The following FRY variants were observed in gnomAD, a reference collection of about 807,000 sequenced individuals.
FRY encodes protein furry homolog.
FRY carries 128 observed loss-of-function variants against 348.4 expected under a neutral mutation model. The ratio of observed to expected loss-of-function variants is 0.37; its 90% CI spans 0.32 to 0.43. The LOEUF (loss-of-function observed/expected upper bound fraction) is 0.43. Ranked by LOEUF, FRY falls within the 20% of genes least tolerant of loss-of-function variation. The pLI is 1.00. For missense variants in FRY, 2,736 were observed against 3,695.2 expected (o/e 0.74, Z 6.73); for synonymous variants, 1,370 against 1,374.7 (o/e 1.00, Z 0.08).
intron 1 of FRY, among the ~76,000 whole-genome samples, chr13:32,070,418 A>G (rs1460944763): frequency 2.0e-5 from 3 of 152,318 alleles, no homozygotes; most frequent in Non-Finnish European, 2.9e-5. Flanking sequence ...TCTAACTGGC[A>G]TGAGATGGTA....
intron 2 of FRY, among the ~76,000 whole-genome samples, chr13:32,101,000 G>A: frequency 6.6e-6 from 1 of 152,110 alleles, no homozygotes; most frequent in East Asian, 1.9e-4. Context: ...ATACATTGAG[G>A]CCATAGCACA....
At chr13:32,201,886 A>T in intron 29 of FRY, 55 bp from the exon 30 acceptor site, 1 of 951,542 alleles carries the variant, frequency 1.1e-6, no homozygotes, top group Non-Finnish European at 1.7e-6. Context: ...GTAACAATCT[A>T]GCCACTCTGT....
chr13:32,059,113 T>C (rs1193220295), intron 1 of FRY, among the ~76,000 whole-genome samples: 2 of 152,224 alleles, frequency 1.3e-5, no homozygotes, highest in African/African-American at 4.8e-5. Flanking sequence ...AGCTTCCTTT[T>C]CTACCTTTTT....
At chr13:32,254,686 A>T (rs1294320271) in intron 51 of FRY, among the ~76,000 whole-genome samples, 1 of 152,108 alleles carries the variant, frequency 6.6e-6, no homozygotes, top group East Asian at 1.9e-4. Context: ...CCCAAGCTGG[A>T]CTTAAAAAAA....
chr13:32,059,841 G>T (rs772910832), intron 1 of FRY, among the ~76,000 whole-genome samples: 11 of 152,122 alleles, frequency 7.2e-5, no homozygotes, highest in African/African-American at 9.7e-5. Context: ...ACTTCCTTTA[G>T]TAAAATGTAA....
At chr13:32,155,442 T>C (rs1336535902) in intron 14 of FRY, 49 bp from the exon 15 acceptor site, 1 of 1,346,922 alleles carries the variant, frequency 7.4e-7, no homozygotes, top group African/African-American at 1.4e-5. Flanking sequence ...TGTATTCCAC[T>C]ACAATAATTG....
At position 32,224,273 on chromosome 13, in the gene FRY, A is replaced by C. The variant is rs984157932; in HGVS notation, c.4804A>C (p.Ile1602Leu). ...TCCCTACACGGGCTGGTTGCTGACTATTACAGAGACCAAGCAGCCGCAGCC... is the reference window on the plus strand; with the variant it reads ...TCCCTACACGGGCTGGTTGCTGACTCTTACAGAGACCAAGCAGCCGCAGCC... ...ISPYTGWLLT[I>L]TETKQPQPLP... Residue 1602 changes from isoleucine to leucine, a missense_variant, in exon 37 of 61, where the codon ATT becomes CTT. This residue lies in a region of FRY where 794 missense variants were observed against 977.0 expected (regional missense o/e 0.81). Coordinates refer to ENST00000542859, the MANE Select transcript of FRY (RefSeq NM_023037.3). 13 of 1,613,862 alleles carry C rather than the reference A, an allele frequency of 8.1e-6. No homozygotes were observed. In the East Asian group the frequency reaches 2.5e-4, roughly 30 times the overall value.
intron 2 of FRY, among the ~76,000 whole-genome samples, chr13:32,082,619 T>G (rs1875571984): frequency 1.3e-5 from 2 of 152,232 alleles, no homozygotes; most frequent in Non-Finnish European, 2.9e-5. Context: ...GTGAATCTTT[T>G]TCAGTTCTTT....
At chr13:32,045,576 A>G (rs552668251) in intron 1 of FRY, among the ~76,000 whole-genome samples, 15 of 152,368 alleles carry the variant, frequency 9.8e-5, no homozygotes, top group African/African-American at 3.6e-4. Context: ...TTAAAATTTC[A>G]TCGTGAACTG....
intron 33 of FRY, among the ~76,000 whole-genome samples, chr13:32,209,962 G>A (rs536209090): frequency 2.6e-5 from 4 of 152,326 alleles, no homozygotes; most frequent in African/African-American, 9.6e-5. Flanking sequence ...GCCTTGGGAC[G>A]CAGAAACCTA....
At chr13:32,272,965 T>C (rs907562904) in intron 55 of FRY, among the ~76,000 whole-genome samples, 4 of 152,102 alleles carry the variant, frequency 2.6e-5, no homozygotes. Context: ...AGGCAGGTTT[T>C]GAACTCCTGA....
rs746251143 is a variant in FRY at position 32,237,405 on chromosome 13, G to A, written c.5837G>A (p.Ser1946Asn). ...SRSSSPDLSSSSKLTASRKST... is the reference protein window; with the variant it reads ...SRSSSPDLSSNSKLTASRKST... Reference sequence around the variant, plus strand: ...TCTTCCTCACCAGATTTAAGCTCCAGCAGTAAACTAACAGCAAGCAGAAAG... The same window carrying A: ...TCTTCCTCACCAGATTTAAGCTCCAACAGTAAACTAACAGCAAGCAGAAAG... Residue 1946 changes from serine to asparagine, a missense_variant, in exon 44 of 61, where the codon AGC (serine) becomes AAC (asparagine). This residue lies in a region of FRY where 794 missense variants were observed against 977.0 expected (regional missense o/e 0.81). Transcript: ENST00000542859. The surrounding 1 kb of genome is among the most constrained non-coding windows in gnomAD (Gnocchi z 6.3). The A allele has an allele frequency of 4.3e-6, 7 of 1,613,910 alleles. No individual in the cohort carries two copies. In the East Asian group the frequency reaches 1.1e-4, roughly 26 times the overall value.
At chr13:32,104,410 C>G (rs1405959963) in intron 3 of FRY, among the ~76,000 whole-genome samples, 1 of 152,190 alleles carries the variant, frequency 6.6e-6, no homozygotes, top group Non-Finnish European at 1.5e-5. Context: ...CATCCGCCAC[C>G]TAACAAAACT....
chr13:32,292,276 C>G (rs1186538268), intron 59 of FRY, among the ~76,000 whole-genome samples: 3 of 152,166 alleles, frequency 2.0e-5, no homozygotes, highest in Admixed American at 6.5e-5. Flanking sequence ...AACCACCACA[C>G]CCGGCCCAAA....
intron 49 of FRY, among the ~76,000 whole-genome samples, chr13:32,250,765 T>G (rs1887036015): frequency 6.6e-6 from 1 of 152,166 alleles, no homozygotes; most frequent in South Asian, 2.1e-4. Context: ...GTTAGGGGAA[T>G]GGAACATGTA....
chr13:32,042,391 T>G (rs948429383), intron 1 of FRY, among the ~76,000 whole-genome samples: 3 of 152,252 alleles, frequency 2.0e-5, no homozygotes, highest in Non-Finnish European at 4.4e-5. Flanking sequence ...TTTAGTAATT[T>G]GAAATGGGTG....
At chr13:32,205,623 G>A (rs993623179) in intron 31 of FRY, among the ~76,000 whole-genome samples, 15 of 152,094 alleles carry the variant, frequency 9.9e-5, no homozygotes, top group African/African-American at 3.6e-4. Context: ...AGGTTTGTAG[G>A]CCAGCAATCT....
At chr13:32,078,808 G>T (rs749119880) in intron 1 of FRY, 26 bp from the exon 2 acceptor site, 2 of 1,556,988 alleles carry the variant, frequency 1.3e-6, no homozygotes, top group Admixed American at 3.3e-5. Context: ...TTATCAGCCA[G>T]TAAGAATGCC....
chr13:32,273,346 C>T (rs895181536), intron 55 of FRY, among the ~76,000 whole-genome samples: 1 of 150,192 alleles, frequency 6.7e-6, no homozygotes, highest in South Asian at 2.1e-4. Context: ...CCTCAGCCTC[C>T]CGAGTAGCTG....
Sources: gnomAD v4.1 joint callset for allele counts (sites outside exome capture counted in the v4.1 genomes callset) on GRCh38, gnomAD v4.1.1 for gene constraint, gnomAD v4.1.1 regional missense constraint, Gnocchi (gnomAD v3.1) non-coding constraint, MANE v1.5 for transcripts, NCBI Gene and HGNC (gene_info 2026-07-23, HGNC 2026-07-21) for gene names.